The following SAXO1 variants were observed in gnomAD, a reference collection of about 807,000 sequenced individuals.
SAXO1 encodes the protein stabilizer of axonemal microtubules 1, also known as 4930500O09Rik.
A neutral mutation model predicts 17.5 loss-of-function variants in SAXO1; 21 were observed. The observed-to-expected ratio is 1.20, with a 90% confidence interval of 0.85 to 1.72. The LOEUF (loss-of-function observed/expected upper bound fraction) is 1.72. Among genes scored for constraint, SAXO1 ranks in the 40% most tolerant of loss-of-function variants. SAXO1 has a pLI of 0.00. For synonymous variants in SAXO1, 274 were observed against 216.5 expected (o/e 1.27, Z -2.33); for missense variants, 843 against 596.0 (o/e 1.41, Z -4.32).
At chr9:19,038,737 C>A (rs573110075) in intron 1 of SAXO1, among the ~76,000 whole-genome samples, 2 of 151,416 alleles carry the variant, frequency 1.3e-5, no homozygotes, top group South Asian at 4.2e-4. Context: ...GCACATGTAC[C>A]CTAAAACTTA....
In SAXO1 at chr9:18,948,948, C is replaced by A. The variant is rs116234914; in HGVS notation, c.218+1810G>T. On this transcript the variant is annotated intron_variant, in intron 2 of 3. Transcript: ENST00000380534. The stretch of plus-strand genomic sequence containing the variant: ...AAGCCACCCCTCAGTACTACTCTCA[C>A]CCTTTCCTACCGATTACATGTCCCT... 2.8e-3 allele frequency among the ~76,000 whole-genome samples: 433 copies of A among 152,292 alleles called. 1 individual carries two copies. The highest frequency in any genetic ancestry group is 1.0e-2 in the African/African-American group (415 of 41,556).
Position 18,941,674 on chromosome 9 carries a change from T to G in SAXO1, c.384A>C (p.Pro128=), listed in dbSNP as rs776493132. Residue 128 remains proline, a synonymous_variant, in exon 3 of 4, where the codon CCA becomes CCC. Coordinates refer to ENST00000380534, the MANE Select transcript of SAXO1 (RefSeq NM_153707.4). ...DPIKPRDSKY[P]CSDKMECLPT... ...GCAAACACTCCATCTTGTCGCTACATGGATATTTACTGTCCCGAGGTTTGA... is the reference window on the plus strand; with the variant it reads ...GCAAACACTCCATCTTGTCGCTACAGGGATATTTACTGTCCCGAGGTTTGA... 16 of 1,614,066 alleles carry G rather than the reference T, an allele frequency of 9.9e-6. No homozygotes were observed. The East Asian group carries it at 3.6e-4, about 36-fold the overall frequency.
chr9:18,934,171 G>A (rs72694539), intron 3 of SAXO1, among the ~76,000 whole-genome samples: 15,185 of 152,118 alleles, frequency 0.1, 1,322 homozygotes, highest in African/African-American at 0.24. Flanking sequence ...AATAGATGTG[G>A]ATCTCTTTGT....
chr9:18,962,363 C>T (rs539312141), intron 1 of SAXO1, among the ~76,000 whole-genome samples: 6 of 152,310 alleles, frequency 3.9e-5, no homozygotes, highest in East Asian at 1.9e-4. Context: ...CCACCGCACC[C>T]GGCTCTCATT....
intron 1 of SAXO1, chr9:19,027,785 G>C: frequency 6.6e-7 from 1 of 1,509,534 alleles, no homozygotes; most frequent in South Asian, 1.2e-5. Context: ...GAACCAGCTG[G>C]ATGGCTTCCA....
intron 1 of SAXO1, among the ~76,000 whole-genome samples, chr9:18,999,969 C>T (rs572950231): frequency 6.4e-4 from 89 of 139,102 alleles, no homozygotes; most frequent in Admixed American, 1.1e-3. Context: ...TCTACCCAGC[C>T]GCCCCACCAT....
intron 1 of SAXO1, among the ~76,000 whole-genome samples, chr9:19,046,518 A>G (rs1269535056): frequency 3.3e-5 from 5 of 151,768 alleles, no homozygotes; most frequent in African/African-American, 4.8e-5. Context: ...CAACATGGAG[A>G]AAGGAGAAAC....
intron 2 of SAXO1, among the ~76,000 whole-genome samples, chr9:18,946,279 C>CAAAAA (rs56858815): frequency 1.7e-4 from 6 of 34,478 alleles, no homozygotes; most frequent in African/African-American, 3.1e-4. Flanking sequence ...TTCATCTCAC[C>CAAAAA]AAAAAAAAAA....
chr9:18,941,358 T>C (rs1341615674), intron 3 of SAXO1, among the ~76,000 whole-genome samples: 1 of 152,232 alleles, frequency 6.6e-6, no homozygotes. Context: ...TGAATATGGC[T>C]GCGTTCCAAT....
At chr9:19,001,685 C>G (rs1834275413) in intron 1 of SAXO1, among the ~76,000 whole-genome samples, 1 of 150,430 alleles carries the variant, frequency 6.6e-6, no homozygotes, top group Admixed American at 6.6e-5. Context: ...AAAAGATGTT[C>G]TTTGAAACCA....
intron 1 of SAXO1, among the ~76,000 whole-genome samples, chr9:18,977,152 G>C (rs887954327): frequency 6.6e-6 from 1 of 152,174 alleles, no homozygotes; most frequent in East Asian, 1.9e-4. Flanking sequence ...GCATGAGACA[G>C]TTATAATAAA....
chr9:19,041,334 T>C (rs918249175), intron 1 of SAXO1, among the ~76,000 whole-genome samples: 4 of 152,218 alleles, frequency 2.6e-5, no homozygotes, highest in South Asian at 2.1e-4. Context: ...TGTACATGGA[T>C]TGGAAAAATC....
Position 18,928,554 on chromosome 9 carries a change from T to C in SAXO1, c.923A>G (p.Gln308Arg). ...ACCCTTAGGGCATGTGTAATGGGCC[T>C]GCACTGTTGTCAGAAGATCCATCCT... Reference protein sequence around the residue: ...EDRMDLLTTVQAHYTCPKGAP... With the variant: ...EDRMDLLTTVRAHYTCPKGAP... Residue 308 changes from glutamine to arginine, a missense_variant, in exon 4 of 4, where the codon CAG becomes CGG. Coordinates refer to ENST00000380534, the MANE Select transcript of SAXO1 (RefSeq NM_153707.4). 1 of 1,614,108 alleles carries C rather than the reference T, an allele frequency of 6.2e-7. No homozygotes were observed. The highest frequency in any genetic ancestry group is 1.1e-5 in the South Asian group (1 of 91,076).
intron 3 of SAXO1, among the ~76,000 whole-genome samples, chr9:18,939,409 G>A (rs1293676273): frequency 6.6e-6 from 1 of 152,258 alleles, no homozygotes; most frequent in Non-Finnish European, 1.5e-5. Context: ...GCCCCTTGGA[G>A]GTTACAGCCT....
rs376534549 is a variant in SAXO1 at position 19,014,802 on chromosome 9, T to C, written c.38+18069A>G. Among the ~76,000 whole-genome samples the C allele has an allele frequency of 2.3e-4, 35 of 152,268 alleles. No individual in the cohort carries two copies. In the South Asian group the frequency reaches 6.8e-3, roughly 30 times the overall value. On this transcript the variant is annotated intron_variant, in intron 1 of 3. Transcript: ENST00000380534. ...CTGAATGTTGGACAACATCCAACCA[T>C]AGAGGCTCTACATGAAAAATAAAGC... is the stretch of plus-strand genomic sequence containing the variant.
rs944513033 is a variant in SAXO1 at position 18,950,824 on chromosome 9, T to A, written c.152A>T (p.Glu51Val). The A allele has an allele frequency of 6.2e-7, 1 of 1,613,740 alleles. No homozygotes were observed. Among genetic ancestry groups the A allele is most frequent in the Non-Finnish European group, 8.5e-7 (1 of 1,179,776 alleles). Residue 51 changes from glutamate (E) to valine (V), a missense_variant, in exon 2 of 4, where the codon GAG becomes GTG. By Grantham distance (121) the Glu-to-Val change is moderately radical. Coordinates refer to ENST00000380534, the MANE Select transcript of SAXO1 (RefSeq NM_153707.4). ...GTACTCCCGCCTTGGCTTGAAGGAC[T>A]CTCTGGGCAGGTAGGAGTGATAGAA... Reference protein sequence around the residue: ...YPFYHSYLPRESFKPRREYQK... With the variant: ...YPFYHSYLPRVSFKPRREYQK...
chr9:18,933,162 C>T (rs1021918284), intron 3 of SAXO1, among the ~76,000 whole-genome samples: 2 of 148,930 alleles, frequency 1.3e-5, no homozygotes, highest in African/African-American at 2.4e-5. Context: ...TTTAGAAGTA[C>T]AGATTTTTTT....
At chr9:18,989,554 ATG>A (rs1491284942) in intron 1 of SAXO1, among the ~76,000 whole-genome samples, 2 of 108,034 alleles carry the variant, frequency 1.9e-5, no homozygotes, top group African/African-American at 2.9e-5. Context: ...TTTAGCCATT[ATG>A]CACACACACA....
At chr9:19,011,867 G>A in intron 1 of SAXO1, among the ~76,000 whole-genome samples, 1 of 51,754 alleles carries the variant, frequency 1.9e-5, no homozygotes, top group East Asian at 6.0e-4. Flanking sequence ...TTTTTTTTGA[G>A]ATGGAGTCTC....
Sources: gnomAD v4.1 joint callset for allele counts (sites outside exome capture counted in the v4.1 genomes callset) on GRCh38, gnomAD v4.1.1 for gene constraint, MANE v1.5 for transcripts, NCBI Gene and HGNC (gene_info 2026-07-23, HGNC 2026-07-21) for gene names.